WIPI2: variants seen among roughly 807,000 people sequenced by gnomAD.
The protein encoded by WIPI2 is WD repeat domain phosphoinositide-interacting protein 2.
Under a neutral mutation model 52.3 loss-of-function variants are expected in WIPI2, and 28 were observed. The observed-to-expected ratio is 0.54, with a 90% CI of 0.40 to 0.73. The LOEUF (loss-of-function observed/expected upper bound fraction) is 0.73, where lower values mean the gene tolerates loss of function less well. WIPI2 is among the 30% of genes least tolerant of loss of function. The pLI is 0.00. For synonymous variants in WIPI2, 268 were observed against 245.0 expected (o/e 1.09, Z -0.88); for missense variants, 506 against 602.9 (o/e 0.84, Z 1.68).
At chr7:5,208,420 T>TG (rs1491308154) in intron 3 of WIPI2, among the ~76,000 whole-genome samples, 3 of 18,760 alleles carry the variant, frequency 1.6e-4, no homozygotes, top group African/African-American at 7.8e-4. Context: ...ATATTTATGT[T>TG]GTTTTTTTTT....
chr7:5,217,981 A>G lies in WIPI2; in HGVS notation c.636A>G (p.Ala212=), dbSNP rs1782909141. Residue 212 remains alanine (A), a synonymous_variant, in exon 7 of 13, where the codon GCA becomes GCG. Transcript: ENST00000288828. ...DSPLAALAFD[A]SGTKLATASE... is the part of the protein sequence containing the mutation. ...CTTTAGCGGCACTGGCCTTTGACGC[A>G]AGTGGAACTAAACTTGCCACGGCTT... 1 of 1,614,130 alleles carries G rather than the reference A, an allele frequency of 6.2e-7. No homozygotes were observed. The highest frequency in any genetic ancestry group is 1.3e-5 in the African/African-American group (1 of 74,950).
At chr7:5,217,588 G>A (rs1455301876) in intron 6 of WIPI2, 4 of 413,554 alleles carry the variant, frequency 9.7e-6, no homozygotes, top group East Asian at 1.0e-4. Flanking sequence ...GGTGCCCCGC[G>A]CCCAGCCCCA....
rs182725222 is a variant in WIPI2, at chr7:5,198,059, G to C, written c.129-1517G>C. ...CTCCTTGAGCCTCCTCGCAGAAGCG[G>C]GTGATGAGTATGGACTCATAAACGC... On this transcript the variant is annotated intron_variant, in intron 2 of 12. Transcript: ENST00000288828. 4.2e-3 allele frequency among the ~76,000 whole-genome samples: 645 copies of C among 152,324 alleles called. 13 individuals carry two copies. Among genetic ancestry groups the C allele is most frequent in the East Asian group, 2.7e-3 (14 of 5,178 alleles).
At chr7:5,195,327 A>G (rs1781695681) in intron 2 of WIPI2, among the ~76,000 whole-genome samples, 2 of 151,992 alleles carry the variant, frequency 1.3e-5, no homozygotes, top group Admixed American at 1.3e-4. Context: ...ACTCTACACA[A>G]AACAAAAATT....
chr7:5,232,609 T>A lies in WIPI2; in HGVS notation c.*1662T>A. The A allele has an allele frequency of 3.2e-6, 1 of 315,898 alleles. No individual in the cohort carries two copies. Among genetic ancestry groups the A allele is most frequent in the Non-Finnish European group, 5.7e-6 (1 of 174,004 alleles). The allele number at this position is 315,898 out of a possible 1,614,324, so 19.6% of individuals were successfully genotyped here. A position where few individuals can be genotyped will look rare whatever the true frequency, so the allele number is the denominator to read the frequency against. ...AGAGTGGGCTATGCTTGAGCAGGGA[T>A]GAGAAGGGCCGCGGCAGCACGCAGC... On this transcript the variant is annotated 3_prime_UTR_variant, in exon 13 of 13. Transcript: ENST00000288828.
rs371299509 is a variant in WIPI2 at position 5,217,146 on chromosome 7, G to A, written c.535G>A (p.Ala179Thr). Reference sequence around the variant, plus strand: ...CTGCTACTTGGCGTACCCAGGGAGCGCGACCATCGGAGAGGTGCAGGTCTT... The same window carrying A: ...CTGCTACTTGGCGTACCCAGGGAGCACGACCATCGGAGAGGTGCAGGTCTT... ...DNCYLAYPGS[A>T]TIGEVQVFDT... The change falls in exon 6 of 13, where the codon GCG becomes ACG. Residue 179 changes from alanine (A) to threonine (T), a missense_variant. By Grantham distance (58) the Ala-to-Thr change is moderately conservative. Around this residue, in one of 4 missense-constraint regions of WIPI2, gnomAD observed 237 missense variants for 346.9 expected, o/e 0.68. Transcript: ENST00000288828. 12 of 1,614,012 alleles carry A rather than the reference G, an allele frequency of 7.4e-6. No individual in the cohort carries two copies. The highest frequency in any genetic ancestry group is 2.2e-5 in the East Asian group (1 of 44,898).
intron 3 of WIPI2, among the ~76,000 whole-genome samples, chr7:5,213,867 A>T (rs1333295263): frequency 6.6e-6 from 1 of 152,062 alleles, no homozygotes; most frequent in African/African-American, 2.4e-5. Context: ...TTGTATTTTT[A>T]GTAGAGATGG....
At chr7:5,210,416 T>C (rs1031967862) in intron 3 of WIPI2, among the ~76,000 whole-genome samples, 8 of 152,242 alleles carry the variant, frequency 5.3e-5, no homozygotes, top group Non-Finnish European at 1.0e-4. Context: ...GTTCTTCAGA[T>C]GCCCTCTTCT....
At chr7:5,192,131 A>G (rs1781513675) in intron 1 of WIPI2, among the ~76,000 whole-genome samples, 2 of 152,206 alleles carry the variant, frequency 1.3e-5, no homozygotes, top group South Asian at 2.1e-4. Context: ...TGTAAAGATG[A>G]AAACTCCCAA....
At chr7:5,191,941 C>T (rs1781503230) in intron 1 of WIPI2, among the ~76,000 whole-genome samples, 1 of 152,096 alleles carries the variant, frequency 6.6e-6, no homozygotes, top group Admixed American at 6.5e-5. Flanking sequence ...GAAATCCTTC[C>T]GAAAGGCTCC....
Position 5,231,727 on chromosome 7 carries a change from C to T in WIPI2, c.*780C>T, listed in dbSNP as rs1783731151. ...AAATGATCTGTTCTTCTACTTCACT[C>T]TTCCTGTTGAAAAACTGTGTGATTT... On this transcript the variant is annotated 3_prime_UTR_variant, in exon 13 of 13. Transcript: ENST00000288828. 6.5e-6 allele frequency: 1 copy of T among 153,932 alleles called. No individual in the cohort carries two copies. Among genetic ancestry groups the T allele is most frequent in the Admixed American group, 6.6e-5 (1 of 15,176 alleles). 9.5% of individuals were successfully genotyped at this position (153,932 alleles called of 1,614,324 possible).
intron 3 of WIPI2, among the ~76,000 whole-genome samples, chr7:5,206,743 CA>C (rs1460515896): frequency 6.6e-6 from 1 of 152,210 alleles, no homozygotes; most frequent in African/African-American, 2.4e-5. Flanking sequence ...AACACACACA[CA>C]CACACAGACA....
At chr7:5,220,466 CCT>C (rs1783062139) in intron 7 of WIPI2, among the ~76,000 whole-genome samples, 1 of 151,964 alleles carries the variant, frequency 6.6e-6, no homozygotes, top group East Asian at 2.0e-4. Flanking sequence ...GTCGTGAACT[CCT>C]GACCTCGTGA....
intron 2 of WIPI2, among the ~76,000 whole-genome samples, chr7:5,196,572 G>A (rs952115056): frequency 1.3e-5 from 2 of 152,136 alleles, no homozygotes; most frequent in Admixed American, 1.3e-4. Context: ...AACAAATGCT[G>A]TGTGTAGGGA....
Position 5,231,749 on chromosome 7 carries a change from ATTT to A in WIPI2, c.*815_*817del, listed in dbSNP as rs3839712. The A allele has an allele frequency of 6.0e-5, 9 of 150,184 alleles. No homozygotes were observed. The highest frequency in any genetic ancestry group is 1.9e-4 in the East Asian group (1 of 5,186). The allele number at this position is 150,184 out of a possible 1,614,324, so 9.3% of individuals were successfully genotyped here. On this transcript the variant is annotated 3_prime_UTR_variant, in exon 13 of 13. Transcript: ENST00000288828. ...ACTCTTCCTGTTGAAAAACTGTGTG[ATTT>A]TTTTTTTTTTTTAAGTAAAGTTTGT...
At chr7:5,203,930 GTCTT>G (rs1181560358) in intron 3 of WIPI2, among the ~76,000 whole-genome samples, 2 of 152,160 alleles carry the variant, frequency 1.3e-5, no homozygotes, top group African/African-American at 2.4e-5. Context: ...GCCACGTTCA[GTCTT>G]TCTTAGTGTC....
chr7:5,206,005 G>C (rs1782278755), intron 3 of WIPI2, among the ~76,000 whole-genome samples: 1 of 151,224 alleles, frequency 6.6e-6, no homozygotes, highest in Admixed American at 6.6e-5. Context: ...TTTTTTTCTG[G>C]ACTGTCATTT....
At chr7:5,190,586 A>AG in intron 1 of WIPI2, 93 bp downstream of exon 1, 1 of 1,235,844 alleles carries the variant, frequency 8.1e-7, no homozygotes, top group Non-Finnish European at 1.0e-6. Context: ...GCGGCGTCGC[A>AG]GGCTCGGCCT....
chr7:5,222,095 A>G (rs1783169423), intron 7 of WIPI2, among the ~76,000 whole-genome samples: 1 of 151,870 alleles, frequency 6.6e-6, no homozygotes, highest in African/African-American at 2.4e-5. Flanking sequence ...GATTACAGGC[A>G]TGCGCCACCA....
Sources: gnomAD v4.1 joint callset for allele counts (sites outside exome capture counted in the v4.1 genomes callset) on GRCh38, gnomAD v4.1.1 for gene constraint, gnomAD v4.1.1 regional missense constraint, MANE v1.5 for transcripts, NCBI Gene and HGNC (gene_info 2026-07-23, HGNC 2026-07-21) for gene names.